Variants in ACOT7 observed in about 807,000 individuals in gnomAD.
ACOT7 encodes acyl-CoA thioesterase 7, also known as cytosolic acyl coenzyme A thioester hydrolase.
A neutral mutation model predicts 40.2 loss-of-function variants in ACOT7; 12 were observed. The ratio of observed to expected loss-of-function variants is 0.30; its 90% CI spans 0.19 to 0.48. ACOT7 has a LOEUF of 0.48. ACOT7 is among the 20% of genes least tolerant of loss of function. The pLI is 0.99. For synonymous variants in ACOT7, 228 were observed against 219.5 expected, an observed-to-expected ratio of 1.04 and a Z score of -0.34; for missense variants, 395 against 530.8, an observed-to-expected ratio of 0.74 and a Z score of 2.51.
At chr1:6,346,820 G>A (rs1358629859) in intron 2 of ACOT7, among the ~76,000 whole-genome samples, 1 of 152,170 alleles carries the variant, frequency 6.6e-6, no homozygotes, top group Non-Finnish European at 1.5e-5. Flanking sequence ...TGGACTTCCT[G>A]GAAGGTAGAG....
intron 8 of ACOT7, among the ~76,000 whole-genome samples, chr1:6,276,551 G>A (rs1480690846): frequency 1.3e-5 from 2 of 152,096 alleles, no homozygotes; most frequent in Non-Finnish European, 1.5e-5. Context: ...GGGGAAGGGA[G>A]CTAAAAATAG....
intron 7 of ACOT7, among the ~76,000 whole-genome samples, chr1:6,286,342 C>T (rs558836380): frequency 3.9e-5 from 6 of 152,274 alleles, no homozygotes; most frequent in South Asian, 2.1e-4. Flanking sequence ...AGAAGGGGAG[C>T]GCCTGGTCCT....
intron 6 of ACOT7, among the ~76,000 whole-genome samples, chr1:6,304,389 C>T (rs1354917451): frequency 1.6e-4 from 22 of 136,832 alleles, no homozygotes; most frequent in African/African-American, 4.8e-4. Flanking sequence ...TAGAAAAGTA[C>T]GTTCTTTTTT....
intron 1 of ACOT7, among the ~76,000 whole-genome samples, chr1:6,388,643 G>GC (rs1642480840): frequency 6.7e-6 from 1 of 149,706 alleles, no homozygotes. Context: ...GGAAGCTGAG[G>GC]AGAGGAGAAT....
intron 7 of ACOT7, among the ~76,000 whole-genome samples, chr1:6,291,957 A>C (rs777810162): frequency 6.6e-6 from 1 of 152,202 alleles, no homozygotes; most frequent in Non-Finnish European, 1.5e-5. Context: ...CCTAGGAGCA[A>C]GCATGATGAC....
At chr1:6,266,461 T>C (rs1638853819) in intron 8 of ACOT7, among the ~76,000 whole-genome samples, 1 of 152,234 alleles carries the variant, frequency 6.6e-6, no homozygotes, top group African/African-American at 2.4e-5. Flanking sequence ...CATCTGCCAG[T>C]CTTGTAAATG....
chr1:6,359,013 G>A lies in ACOT7; in HGVS notation c.144-9147C>T, dbSNP rs534341779. 2 of 1,183,168 alleles carry A rather than the reference G, an allele frequency of 1.7e-6. No individual in the cohort carries two copies. The highest frequency in any genetic ancestry group is 1.6e-5 in the African/African-American group (1 of 63,440). The allele number at this position is 1,183,168 out of a possible 1,614,324, so 73.3% of individuals were successfully genotyped here. On this transcript the variant is annotated intron_variant, in intron 1 of 8. Coordinates refer to ENST00000361521, the MANE Select transcript of ACOT7 (RefSeq NM_007274.4). This position sits in a 1 kb window ranked among gnomAD's most constrained non-coding sequence, Gnocchi z 4.1. ...GAGCTGCCCAATCTGGCCAGGAAGA[G>A]GCTGCCTCGCCAATCCAGAGCGTCT...
chr1:6,324,429 A>G (rs1640743765), intron 5 of ACOT7, among the ~76,000 whole-genome samples: 1 of 152,246 alleles, frequency 6.6e-6, no homozygotes, highest in African/African-American at 2.4e-5. Flanking sequence ...TCTGAAAAAT[A>G]TCACGTGTAG....
At chr1:6,265,269 G>T (rs549142878) in intron 8 of ACOT7, among the ~76,000 whole-genome samples, 1 of 151,792 alleles carries the variant, frequency 6.6e-6, no homozygotes. Context: ...CGTGGGGAAA[G>T]CCAGCTGCAC....
chr1:6,345,620 G>T (rs1294476737), intron 2 of ACOT7, among the ~76,000 whole-genome samples: 6 of 152,214 alleles, frequency 3.9e-5, no homozygotes, highest in Non-Finnish European at 8.8e-5. Flanking sequence ...AACGTCAAGT[G>T]CGTGGACCAT....
intron 6 of ACOT7, among the ~76,000 whole-genome samples, chr1:6,315,250 T>C (rs191269260): frequency 3.3e-5 from 5 of 152,322 alleles, no homozygotes; most frequent in Admixed American, 3.3e-4. Flanking sequence ...AATTACAGAA[T>C]AAAGGCTAAA....
chr1:6,368,519 C>T (rs528616367), intron 1 of ACOT7, among the ~76,000 whole-genome samples: 2 of 152,288 alleles, frequency 1.3e-5, no homozygotes, highest in East Asian at 3.9e-4. Flanking sequence ...TCTGCCCGCA[C>T]CTCCATGCCC....
intron 8 of ACOT7, 86 bp downstream of exon 8, chr1:6,281,016 G>A (rs1639340350): frequency 2.0e-6 from 3 of 1,510,878 alleles, no homozygotes; most frequent in Non-Finnish European, 2.7e-6. Flanking sequence ...ACTCATGCAG[G>A]CACAGATTCC....
intron 3 of ACOT7, among the ~76,000 whole-genome samples, chr1:6,336,972 G>C (rs759754207): frequency 6.6e-6 from 1 of 152,194 alleles, no homozygotes; most frequent in African/African-American, 2.4e-5. Flanking sequence ...CTACAGCCTT[G>C]GGGCTCCAAG....
rs1641826523 is a variant in ACOT7 at position 6,358,970 on chromosome 1, C to A, written c.144-9104G>T. The A allele has an allele frequency of 8.2e-6, 12 of 1,465,588 alleles. No individual in the cohort carries two copies. Among genetic ancestry groups the A allele is most frequent in the Non-Finnish European group, 1.1e-5 (12 of 1,095,702 alleles). 90.8% of individuals were successfully genotyped at this position (1,465,588 alleles called of 1,614,324 possible). A position where few individuals can be genotyped will look rare whatever the true frequency, so the allele number is the denominator to read the frequency against. On this transcript the variant is annotated intron_variant, in intron 1 of 8. Transcript: ENST00000361521. This position sits in a 1 kb window ranked among gnomAD's most constrained non-coding sequence, Gnocchi z 4.1. ...CACACCGGGCTTGGTGGGGAGCACC[C>A]CCCACCCCCAGCTTCCTGAGCTGCC...
intron 8 of ACOT7, among the ~76,000 whole-genome samples, chr1:6,268,229 A>C (rs886491617): frequency 4.6e-5 from 7 of 152,186 alleles, no homozygotes; most frequent in African/African-American, 1.7e-4. Context: ...ACAGAACGGC[A>C]TGTAATTACA....
At chr1:6,339,739 GTTTTT>G (rs57275707) in intron 2 of ACOT7, 150 bp from the exon 3 acceptor site, 33 of 526,290 alleles carry the variant, frequency 6.3e-5, no homozygotes, top group East Asian at 8.9e-5. Context: ...TGGCACCGCG[GTTTTT>G]TTTTTTTTTT....
chr1:6,320,932 T>C (rs1464267812), intron 5 of ACOT7, among the ~76,000 whole-genome samples: 1 of 152,166 alleles, frequency 6.6e-6, no homozygotes, highest in Non-Finnish European at 1.5e-5. Context: ...AGAAGATGAG[T>C]TACCTACACT....
intron 1 of ACOT7, among the ~76,000 whole-genome samples, chr1:6,384,115 A>G (rs1363225605): frequency 6.6e-6 from 1 of 151,870 alleles, no homozygotes; most frequent in Non-Finnish European, 1.5e-5. Flanking sequence ...TTTATCTGAG[A>G]AGGGACTTGC....
Sources: gnomAD v4.1 joint callset for allele counts (sites outside exome capture counted in the v4.1 genomes callset) on GRCh38, gnomAD v4.1.1 for gene constraint, Gnocchi (gnomAD v3.1) non-coding constraint, MANE v1.5 for transcripts, NCBI Gene and HGNC (gene_info 2026-07-23, HGNC 2026-07-21) for gene names.